Variants in WDR89 observed in about 807,000 individuals in gnomAD.
WDR89 encodes the protein WD repeat-containing protein 89.
WDR89 carries 17 observed loss-of-function variants against 29.1 expected under a neutral mutation model. That is an observed-to-expected ratio of 0.58 (90% CI 0.40 to 0.88). WDR89 has a LOEUF of 0.88. Ranked by LOEUF, WDR89 falls within the 40% of genes least tolerant of loss-of-function variation. The pLI is 0.00. For missense variants in WDR89, 396 were observed against 456.3 expected (o/e 0.87, Z 1.20); for synonymous variants, 138 against 157.8 (o/e 0.87, Z 0.94).
chr14:63,620,912 A>T (rs1437352259), intron 2 of WDR89, among the ~76,000 whole-genome samples: 1 of 141,458 alleles, frequency 7.1e-6, no homozygotes, highest in Non-Finnish European at 1.5e-5. Context: ...AAAAAAAAAA[A>T]AATTGCCAAG....
chr14:63,634,801 C>T (rs1288088278), intron 1 of WDR89, among the ~76,000 whole-genome samples: 9 of 147,852 alleles, frequency 6.1e-5, no homozygotes, highest in South Asian at 2.2e-4. Flanking sequence ...ACCCAGGAGG[C>T]GGAGGTTGCG....
chr14:63,602,234 G>GGAGGCC (rs1168719789), intron 2 of WDR89, among the ~76,000 whole-genome samples: 1 of 152,162 alleles, frequency 6.6e-6, no homozygotes, highest in Non-Finnish European at 1.5e-5. Flanking sequence ...CAACACTTCT[G>GGAGGCC]GAGGCCGAGG....
chr14:63,609,797 T>A (rs1881835593), intron 2 of WDR89, among the ~76,000 whole-genome samples: 1 of 150,606 alleles, frequency 6.6e-6, no homozygotes, highest in Non-Finnish European at 1.5e-5. Flanking sequence ...AACAAAAAAA[T>A]AAAATAAAAT....
At chr14:63,616,222 C>T (rs1295576285) in intron 2 of WDR89, among the ~76,000 whole-genome samples, 1 of 152,126 alleles carries the variant, frequency 6.6e-6, no homozygotes, top group African/African-American at 2.4e-5. Context: ...TGTGATTGCG[C>T]CACTGCACTC....
At position 63,598,920 on chromosome 14, in the gene WDR89, T is replaced by C. The variant is rs376853376; in HGVS notation, c.1023A>G (p.Glu341=). The change falls in exon 3 of 3, where the codon GAA becomes GAG. Residue 341 remains glutamate (E), a synonymous_variant. Transcript: ENST00000620954. ...VQDDSLLTGG[E]DAQLLLWKPG... ...GTTTCCAAAGTAACAACTGTGCATC[T>C]TCTCCTCCAGTCAACAAAGAATCAT... is the stretch of plus-strand genomic sequence containing the variant. The C allele has an allele frequency of 6.8e-6, 11 of 1,614,212 alleles. No homozygotes were observed. Among genetic ancestry groups the C allele is most frequent in the Admixed American group, 5.0e-5 (3 of 60,024 alleles).
intron 2 of WDR89, among the ~76,000 whole-genome samples, chr14:63,614,032 A>G (rs575473611): frequency 6.6e-6 from 1 of 152,200 alleles, no homozygotes; most frequent in Admixed American, 6.5e-5. Context: ...AGAAAAGCAC[A>G]GCTAATATGC....
chr14:63,627,182 T>TCC (rs1187244940), intron 1 of WDR89, among the ~76,000 whole-genome samples: 6 of 138,390 alleles, frequency 4.3e-5, no homozygotes, highest in African/African-American at 1.6e-4. Context: ...TCTCTCTCTC[T>TCC]CCTCTCTAAA....
intron 1 of WDR89, among the ~76,000 whole-genome samples, chr14:63,625,836 T>C (rs1017131040): frequency 2.6e-5 from 4 of 151,570 alleles, no homozygotes; most frequent in African/African-American, 9.7e-5. Context: ...AAGCAAAACA[T>C]ACAATTTTGG....
chr14:63,633,584 T>A lies in WDR89; in HGVS notation c.-138+8220A>T, dbSNP rs377637615. 7.1e-4 allele frequency among the ~76,000 whole-genome samples: 108 copies of A among 152,332 alleles called. 1 individual carries two copies. In the East Asian group the frequency reaches 0.012, roughly 17 times the overall value. On this transcript the variant is annotated intron_variant, in intron 1 of 2. Coordinates refer to ENST00000620954, the MANE Select transcript of WDR89 (RefSeq NM_080666.4). ...TAGGAGACCATTCAAAAGGACTACG[T>A]TGAAATAGAAATCAAAACACATCCC...
intron 1 of WDR89, among the ~76,000 whole-genome samples, chr14:63,637,274 G>A (rs1176373379): frequency 1.3e-5 from 2 of 152,194 alleles, no homozygotes; most frequent in African/African-American, 2.4e-5. Context: ...AGATGCTGGC[G>A]TGGATGTGGT....
At chr14:63,619,536 A>G (rs1198536152) in intron 2 of WDR89, among the ~76,000 whole-genome samples, 1 of 152,220 alleles carries the variant, frequency 6.6e-6, no homozygotes, top group African/African-American at 2.4e-5. Context: ...TAATAGTGTA[A>G]GTACACACTC....
rs745489245 is a variant in WDR89 at position 63,599,799 on chromosome 14, A to T, written c.144T>A (p.Ser48=). ...GKENLVAVLC[S]NGSIRIYDKE... is the part of the protein sequence containing the mutation. Reference sequence around the variant, plus strand: ...TATCATATATTCTGATTGATCCATTAGAACATAAAACAGCAACCAAGTTTT... The same window carrying T: ...TATCATATATTCTGATTGATCCATTTGAACATAAAACAGCAACCAAGTTTT... Residue 48 remains serine, a synonymous_variant, in exon 3 of 3, where the codon TCT becomes TCA. Coordinates refer to ENST00000620954, the MANE Select transcript of WDR89 (RefSeq NM_080666.4). 4 of 1,614,172 alleles carry T rather than the reference A, an allele frequency of 2.5e-6. No homozygotes were observed. Among genetic ancestry groups the T allele is most frequent in the Non-Finnish European group, 2.5e-6 (3 of 1,180,032 alleles).
intron 2 of WDR89, among the ~76,000 whole-genome samples, chr14:63,624,029 C>A (rs567597370): frequency 6.6e-6 from 1 of 152,024 alleles, no homozygotes; most frequent in East Asian, 1.9e-4. Flanking sequence ...AATGTAAAAG[C>A]AAGAACTACA....
chr14:63,628,830 C>T (rs889144892), intron 1 of WDR89, among the ~76,000 whole-genome samples: 39 of 151,864 alleles, frequency 2.6e-4, no homozygotes, highest in African/African-American at 8.7e-4. Flanking sequence ...GGCATGGTGA[C>T]GTGCATGCCT....
At chr14:63,607,507 C>A (rs745747863) in intron 2 of WDR89, among the ~76,000 whole-genome samples, 2 of 152,072 alleles carry the variant, frequency 1.3e-5, no homozygotes, top group Non-Finnish European at 2.9e-5. Context: ...TCCCCACATG[C>A]GCATTATCCA....
chr14:63,631,932 C>T (rs780146652), intron 1 of WDR89, among the ~76,000 whole-genome samples: 5 of 151,038 alleles, frequency 3.3e-5, no homozygotes, highest in African/African-American at 9.7e-5. Flanking sequence ...GCCAACCTGG[C>T]GAAAACCCGT....
chr14:63,630,048 A>C (rs1315577712), intron 1 of WDR89, among the ~76,000 whole-genome samples: 1 of 152,066 alleles, frequency 6.6e-6, no homozygotes, highest in African/African-American at 2.4e-5. Context: ...CCCAGGTTCA[A>C]GCGATTTTCC....
chr14:63,641,538 G>A (rs963921420), intron 1 of WDR89: 5 of 152,318 alleles, frequency 3.3e-5, no homozygotes, highest in Non-Finnish European at 5.9e-5. Flanking sequence ...ACGCCCCAGA[G>A]GAAGTACTGG....
At chr14:63,615,949 A>G (rs1386165248) in intron 2 of WDR89, among the ~76,000 whole-genome samples, 1 of 151,066 alleles carries the variant, frequency 6.6e-6, no homozygotes, top group Non-Finnish European at 1.5e-5. Context: ...AAAGAATACA[A>G]AAACAATTCT....
Sources: gnomAD v4.1 joint callset for allele counts (sites outside exome capture counted in the v4.1 genomes callset) on GRCh38, gnomAD v4.1.1 for gene constraint, MANE v1.5 for transcripts, NCBI Gene and HGNC (gene_info 2026-07-23, HGNC 2026-07-21) for gene names.